INVS: variants seen among roughly 807,000 people sequenced by gnomAD.
INVS encodes the protein inversion of embryo turning homolog.
In INVS, 86 loss-of-function variants were observed where a neutral mutation model predicts 108.8. The ratio of observed to expected loss-of-function variants is 0.79; its 90% CI spans 0.66 to 0.95. The LOEUF (loss-of-function observed/expected upper bound fraction) is 0.95. Ranked by LOEUF, INVS falls within the 40% of genes least tolerant of loss-of-function variation. The probability of loss-of-function intolerance (pLI) is 0.00; values close to 1 mark genes in which losing one functional copy is unlikely to be tolerated. For missense variants in INVS, 1,169 were observed against 1,297.4 expected (o/e 0.90, Z 1.52); for synonymous variants, 455 against 473.5 (o/e 0.96, Z 0.51).
intron 1 of INVS, among the ~76,000 whole-genome samples, chr9:100,100,787 TATATATATAATATATGTATATATA>T (rs1826871192): frequency 1.1e-3 from 3 of 2,622 alleles, no homozygotes; most frequent in Non-Finnish European, 1.5e-3. Flanking sequence ...TAATATATAT[TATATATATAATATATGTATATATA>T]ATATATATAA....
At chr9:100,127,668 T>G (rs1564124068) in intron 3 of INVS, among the ~76,000 whole-genome samples, 1 of 152,318 alleles carries the variant, frequency 6.6e-6, no homozygotes, top group South Asian at 2.1e-4. Flanking sequence ...ATTAGTTGAA[T>G]GCATAAAAAA....
intron 2 of INVS, among the ~76,000 whole-genome samples, chr9:100,105,032 C>T (rs1344354452): frequency 1.3e-5 from 2 of 151,994 alleles, no homozygotes; most frequent in East Asian, 1.9e-4. Context: ...CTGTGATTTG[C>T]ATATATAAGT....
intron 3 of INVS, among the ~76,000 whole-genome samples, chr9:100,184,143 G>C (rs1829985309): frequency 6.6e-6 from 1 of 151,960 alleles, no homozygotes; most frequent in Non-Finnish European, 1.5e-5. Context: ...TTTAATTCAA[G>C]AGAAAAAATT....
At chr9:100,195,046 C>T (rs1029981801) in intron 3 of INVS, among the ~76,000 whole-genome samples, 3 of 152,168 alleles carry the variant, frequency 2.0e-5, no homozygotes. Flanking sequence ...GAGCCCCTTC[C>T]TCTGCTATTA....
At chr9:100,293,698 T>G (rs893945584) in intron 14 of INVS, among the ~76,000 whole-genome samples, 2 of 152,166 alleles carry the variant, frequency 1.3e-5, no homozygotes, top group Non-Finnish European at 2.9e-5. Flanking sequence ...ACTCCCAATA[T>G]AGTAGAGACA....
intron 3 of INVS, among the ~76,000 whole-genome samples, chr9:100,183,090 C>T (rs1829945005): frequency 6.6e-6 from 1 of 151,994 alleles, no homozygotes; most frequent in Non-Finnish European, 1.5e-5. Flanking sequence ...CACATGGATA[C>T]AGGGAGGGGA....
intron 11 of INVS, among the ~76,000 whole-genome samples, chr9:100,270,027 C>A (rs546321234): frequency 6.6e-6 from 1 of 152,218 alleles, no homozygotes; most frequent in South Asian, 2.1e-4. Flanking sequence ...ATGAGGAAAA[C>A]TGAGGCTTAG....
At chr9:100,273,134 G>A in intron 12 of INVS, 58 bp downstream of exon 12, 1 of 1,346,374 alleles carries the variant, frequency 7.4e-7, no homozygotes, top group Non-Finnish European at 1.1e-6. Flanking sequence ...TGGAAGTGGG[G>A]GTGTGGGGGG....
chr9:100,261,459 G>A (rs1403163592), intron 10 of INVS, among the ~76,000 whole-genome samples: 2 of 151,830 alleles, frequency 1.3e-5, no homozygotes, highest in African/African-American at 2.4e-5. Context: ...TAGTAGAGAC[G>A]GGGTTCAACA....
intron 2 of INVS, among the ~76,000 whole-genome samples, chr9:100,125,111 T>TAAA (rs1473310246): frequency 6.6e-6 from 1 of 152,226 alleles, no homozygotes; most frequent in African/African-American, 2.4e-5. Flanking sequence ...GTCCTGACTT[T>TAAA]TTGTACCAAT....
At chr9:100,156,130 A>G (rs767754335) in intron 3 of INVS, among the ~76,000 whole-genome samples, 3 of 152,174 alleles carry the variant, frequency 2.0e-5, no homozygotes, top group Non-Finnish European at 2.9e-5. Flanking sequence ...AACAAAGCCT[A>G]CTGGAGTCAT....
At chr9:100,169,345 C>G (rs1053047037) in intron 3 of INVS, among the ~76,000 whole-genome samples, 4 of 152,164 alleles carry the variant, frequency 2.6e-5, no homozygotes, top group African/African-American at 9.7e-5. Context: ...TTACGCTGTA[C>G]TCCTTTACAT....
intron 12 of INVS, among the ~76,000 whole-genome samples, chr9:100,278,009 G>A (rs569405101): frequency 2.6e-5 from 4 of 152,050 alleles, no homozygotes; most frequent in East Asian, 1.9e-4. Flanking sequence ...CAAGAGGATC[G>A]CTTGAGCCCA....
At chr9:100,175,251 T>C (rs10760719) in intron 3 of INVS, 79,989 of 623,812 alleles carry the variant, frequency 0.13, 9,550 homozygotes, top group African/African-American at 0.49. Flanking sequence ...TCTTTGCCAA[T>C]GTCTGTGATT....
intron 3 of INVS, among the ~76,000 whole-genome samples, chr9:100,187,304 G>A (rs1417233241): frequency 6.6e-6 from 1 of 151,930 alleles, no homozygotes; most frequent in South Asian, 2.1e-4. Flanking sequence ...CTCCAGATTT[G>A]TTCTTTTTGC....
At chr9:100,298,095 T>C (rs1833844575) in intron 16 of INVS, 85 bp downstream of exon 16, 1 of 1,605,744 alleles carries the variant, frequency 6.2e-7, no homozygotes, top group Admixed American at 1.7e-5. Context: ...CAGAAGACAT[T>C]AGAACAGATA....
chr9:100,161,388 A>AACCAAAAAAAAAAC (rs1554718617), intron 3 of INVS, among the ~76,000 whole-genome samples: 1 of 139,046 alleles, frequency 7.2e-6, no homozygotes, highest in African/African-American at 2.9e-5. Flanking sequence ...AAAAAAAAAA[A>AACCAAAAAAAAAAC]AAAACCTCAT....
intron 3 of INVS, among the ~76,000 whole-genome samples, chr9:100,162,430 G>A (rs540795077): frequency 1.4e-4 from 22 of 152,264 alleles, no homozygotes; most frequent in Middle Eastern, 3.4e-3. Context: ...CTGTAATCAG[G>A]ATGTTGGCTT....
chr9:100,146,662 A>C (rs1050522466), intron 3 of INVS, among the ~76,000 whole-genome samples: 1 of 152,136 alleles, frequency 6.6e-6, no homozygotes, highest in Non-Finnish European at 1.5e-5. Flanking sequence ...TTAATTATTA[A>C]ATTTTTTAAA....
Sources: gnomAD v4.1 joint callset for allele counts (sites outside exome capture counted in the v4.1 genomes callset) on GRCh38, gnomAD v4.1.1 for gene constraint, MANE v1.5 for transcripts, NCBI Gene and HGNC (gene_info 2026-07-23, HGNC 2026-07-21) for gene names.